The following GRIN2A variants were observed in gnomAD, a reference collection of about 807,000 sequenced individuals.
The protein encoded by GRIN2A is glutamate ionotropic receptor NMDA type subunit 2A.
A neutral mutation model predicts 113.4 loss-of-function variants in GRIN2A; 22 were observed. That is an observed-to-expected ratio of 0.19 (90% CI 0.14 to 0.28). The LOEUF is 0.28. Among genes scored for constraint, GRIN2A ranks in the 10% least tolerant of loss-of-function variants. The pLI is 1.00. For synonymous variants in GRIN2A, 827 were observed against 738.4 expected (o/e 1.12, Z -1.94); for missense variants, 1,502 against 1,887.0 (o/e 0.80, Z 3.78).
chr16:9,906,840 TTTTTG>T (rs746711437), intron 3 of GRIN2A, among the ~76,000 whole-genome samples: 2 of 152,150 alleles, frequency 1.3e-5, no homozygotes, highest in African/African-American at 2.4e-5. Context: ...CAAATTTTTG[TTTTTG>T]TTTTGTTTTG....
intron 2 of GRIN2A, among the ~76,000 whole-genome samples, chr16:9,973,364 G>C (rs2045711449): frequency 6.6e-6 from 1 of 152,120 alleles, no homozygotes; most frequent in Non-Finnish European, 1.5e-5. Flanking sequence ...CCTCCGCCCA[G>C]GAAAAACAAG....
intron 4 of GRIN2A, among the ~76,000 whole-genome samples, chr16:9,867,535 C>G (rs1262198697): frequency 6.6e-6 from 1 of 152,206 alleles, no homozygotes; most frequent in Non-Finnish European, 1.5e-5. Context: ...CCCTTGGGCT[C>G]TAGATACATT....
chr16:9,760,115 T>A lies in GRIN2A; in HGVS notation c.*3034A>T, dbSNP rs1047428029. The stretch of plus-strand genomic sequence containing the variant: ...CCAGCTGAAACTCAGGCATTTGTGT[T>A]CAGAAATTTGGGCTCCTTGACATCA... On this transcript the variant is annotated 3_prime_UTR_variant, in exon 13 of 13. Transcript: ENST00000330684. 1.3e-5 allele frequency: 3 copies of A among 225,180 alleles called. No homozygotes were observed. The highest frequency in any genetic ancestry group is 6.7e-5 in the African/African-American group (3 of 44,876). The allele number at this position is 225,180 out of a possible 1,614,324, so 13.9% of individuals were successfully genotyped here.
chr16:9,757,459 T>A lies in GRIN2A; in HGVS notation c.*5690A>T. The A allele has an allele frequency of 4.4e-6, 1 of 229,558 alleles. No homozygotes were observed. Among genetic ancestry groups the A allele is most frequent in the East Asian group, 6.2e-5 (1 of 16,148 alleles). 14.2% of individuals were successfully genotyped at this position (229,558 alleles called of 1,614,324 possible). A position where few individuals can be genotyped will look rare whatever the true frequency, so the allele number is the denominator to read the frequency against. ...CATTTCTAATTTTTGCTGTTTAGTC[T>A]CTGTTTGCATTGCATGGGTCCTTGG... On this transcript the variant is annotated 3_prime_UTR_variant, in exon 13 of 13. Transcript: ENST00000330684.
intron 2 of GRIN2A, among the ~76,000 whole-genome samples, chr16:10,121,935 C>T (rs1422309910): frequency 6.6e-6 from 1 of 152,188 alleles, no homozygotes; most frequent in Non-Finnish European, 1.5e-5. Context: ...TCAAAAAACC[C>T]TGCAAACAAG....
In GRIN2A at chr16:10,117,344, T is replaced by C. The variant is rs183740768; in HGVS notation, c.414+62654A>G. On this transcript the variant is annotated intron_variant, in intron 2 of 12. Coordinates refer to ENST00000330684, the MANE Select transcript of GRIN2A (RefSeq NM_001134407.3). ...ATTGAAAAGTATAGAGATGAAATGA[T>C]AGGATGTTGGGAATTTGCTCCAAAA... Among the ~76,000 whole-genome samples, 19 of 152,280 alleles carry C rather than the reference T, an allele frequency of 1.2e-4. No individual in the cohort carries two copies. The East Asian group carries it at 3.7e-3, about 29-fold the overall frequency.
rs954379104 is a variant in GRIN2A, at chr16:9,834,352, C to A, written c.1652-122G>T. The A allele has an allele frequency of 5.8e-6, 5 of 864,782 alleles. No individual in the cohort carries two copies. In the Admixed American group the frequency reaches 7.7e-5, roughly 13 times the overall value. The allele number at this position is 864,782 out of a possible 1,614,324, so 53.6% of individuals were successfully genotyped here. A position where few individuals can be genotyped will look rare whatever the true frequency, so the allele number is the denominator to read the frequency against. Reference sequence around the variant, plus strand: ...ATATTTTCTCTAATTTGAATCTGATCCTTCAAAAGAAGCTAATCATTTTTT... The same window carrying A: ...ATATTTTCTCTAATTTGAATCTGATACTTCAAAAGAAGCTAATCATTTTTT... On this transcript the variant is annotated intron_variant, in intron 7 of 12. Coordinates refer to ENST00000330684, the MANE Select transcript of GRIN2A (RefSeq NM_001134407.3).
intron 4 of GRIN2A, 63 bp downstream of exon 4, chr16:9,890,923 G>A: frequency 1.0e-6 from 1 of 991,312 alleles, no homozygotes; most frequent in Non-Finnish European, 1.6e-6. Flanking sequence ...GAAGCACTGT[G>A]AGCCCCTTTA....
chr16:10,124,793 G>T (rs1458773614), intron 2 of GRIN2A, among the ~76,000 whole-genome samples: 1 of 152,166 alleles, frequency 6.6e-6, no homozygotes, highest in Non-Finnish European at 1.5e-5. Flanking sequence ...ACATGTAAAT[G>T]AACACATACA....
chr16:9,850,874 G>T (rs1378194529), intron 4 of GRIN2A, among the ~76,000 whole-genome samples: 1 of 152,068 alleles, frequency 6.6e-6, no homozygotes, highest in African/African-American at 2.4e-5. Flanking sequence ...GCTTATTGGC[G>T]CTATTCACAT....
intron 2 of GRIN2A, among the ~76,000 whole-genome samples, chr16:10,004,173 G>T (rs952224368): frequency 6.6e-6 from 1 of 151,978 alleles, no homozygotes; most frequent in Admixed American, 6.6e-5. Context: ...GGCACATCAC[G>T]AAGTCAGGAG....
At chr16:10,021,301 T>C (rs1414964940) in intron 2 of GRIN2A, among the ~76,000 whole-genome samples, 1 of 152,234 alleles carries the variant, frequency 6.6e-6, no homozygotes, top group African/African-American at 2.4e-5. Context: ...TGTCAGACTC[T>C]GCCCTCCTGG....
At chr16:9,978,188 A>G (rs1192196135) in intron 2 of GRIN2A, among the ~76,000 whole-genome samples, 3 of 152,210 alleles carry the variant, frequency 2.0e-5, no homozygotes, top group South Asian at 2.1e-4. Context: ...TCAGTTCCCA[A>G]TGCAAGTTAG....
intron 2 of GRIN2A, among the ~76,000 whole-genome samples, chr16:10,041,755 C>A (rs1190249148): frequency 6.6e-6 from 1 of 152,126 alleles, no homozygotes; most frequent in Non-Finnish European, 1.5e-5. Context: ...TTGACCAACC[C>A]AGATACCCAT....
chr16:9,951,708 A>G (rs2141674667), intron 2 of GRIN2A, among the ~76,000 whole-genome samples: 1 of 152,330 alleles, frequency 6.6e-6, no homozygotes, highest in South Asian at 2.1e-4. Context: ...AGTGACATAG[A>G]AAAAGAAATT....
At chr16:9,814,188 G>A (rs1356500409) in intron 10 of GRIN2A, among the ~76,000 whole-genome samples, 1 of 152,152 alleles carries the variant, frequency 6.6e-6, no homozygotes, top group Admixed American at 6.5e-5. Flanking sequence ...ATGCACATAT[G>A]TAATATCTAA....
chr16:10,164,420 G>A (rs567234551), intron 2 of GRIN2A, among the ~76,000 whole-genome samples: 3 of 152,148 alleles, frequency 2.0e-5, no homozygotes, highest in Non-Finnish European at 4.4e-5. Context: ...TTAGAGAAAG[G>A]AACAAACAAG....
chr16:10,132,090 G>T (rs1380880765), intron 2 of GRIN2A, among the ~76,000 whole-genome samples: 2 of 152,036 alleles, frequency 1.3e-5, no homozygotes, highest in Admixed American at 6.5e-5. Flanking sequence ...CCAGCACTTT[G>T]GGAGACTCAG....
chr16:9,932,985 CG>C (rs1596611260), intron 3 of GRIN2A, among the ~76,000 whole-genome samples: 1 of 152,144 alleles, frequency 6.6e-6, no homozygotes, highest in East Asian at 1.9e-4. Context: ...ACACAACAGC[CG>C]GGATTCCACC....
Sources: allele counts gnomAD v4.1 joint callset (sites outside exome capture counted in the v4.1 genomes callset), GRCh38; gene constraint gnomAD v4.1.1; transcripts MANE v1.5; gene names NCBI Gene and HGNC (gene_info 2026-07-23, HGNC 2026-07-21).